Variants in HERC4 observed in about 807,000 individuals in gnomAD.
HERC4 encodes the protein probable E3 ubiquitin-protein ligase HERC4.
HERC4 carries 28 observed loss-of-function variants against 124.3 expected under a neutral mutation model. That is an observed-to-expected ratio of 0.23 (90% CI 0.17 to 0.31). The LOEUF (loss-of-function observed/expected upper bound fraction) is 0.31, where lower values mean the gene tolerates loss of function less well. Ranked by LOEUF, HERC4 falls within the 10% of genes least tolerant of loss-of-function variation. The pLI, the probability that HERC4 is intolerant of heterozygous loss-of-function variation, is 1.00. For synonymous variants in HERC4, 407 were observed against 421.5 expected (o/e 0.97, Z 0.42); for missense variants, 713 against 1,229.3 (o/e 0.58, Z 6.28).
chr10:67,956,449 TC>T (rs1239279399), intron 17 of HERC4: 1 of 152,674 alleles, frequency 6.5e-6, no homozygotes, highest in Admixed American at 6.5e-5. Context: ...CAAGGAAATT[TC>T]ACATCTTCTT....
intron 3 of HERC4, among the ~76,000 whole-genome samples, chr10:68,045,100 C>T (rs141792144): frequency 1.4e-3 from 208 of 152,284 alleles, no homozygotes; most frequent in Non-Finnish European, 2.6e-3. Flanking sequence ...GAGGGCGGAT[C>T]GCTTTAGGTC....
chr10:68,031,305 T>A (rs1211600666), intron 7 of HERC4, among the ~76,000 whole-genome samples: 1 of 152,208 alleles, frequency 6.6e-6, no homozygotes, highest in East Asian at 1.9e-4. Context: ...GCCATAAAAT[T>A]AGTTTTTGGA....
intron 15 of HERC4, among the ~76,000 whole-genome samples, chr10:67,976,334 T>C (rs1057003968): frequency 1.8e-4 from 27 of 152,320 alleles, no homozygotes; most frequent in Non-Finnish European, 1.5e-4. Context: ...TTTATACATA[T>C]ACAAACTAAT....
rs2037903948 is a variant in HERC4 at position 68,010,799 on chromosome 10, C to T, written c.1069+3227G>A. 3.9e-6 allele frequency: 6 copies of T among 1,520,358 alleles called. No individual in the cohort carries two copies. In the East Asian group the frequency reaches 1.1e-4, roughly 29 times the overall value. 94.2% of individuals were successfully genotyped at this position (1,520,358 alleles called of 1,614,324 possible). A position where few individuals can be genotyped will look rare whatever the true frequency, so the allele number is the denominator to read the frequency against. Reference sequence around the variant, plus strand: ...AAGCCCCACATCAGCCTGTGCATATCCCAGGGTGATCCTCTTCTGCTTCAG... The same window carrying T: ...AAGCCCCACATCAGCCTGTGCATATTCCAGGGTGATCCTCTTCTGCTTCAG... On this transcript the variant is annotated intron_variant, in intron 9 of 24. Coordinates refer to ENST00000373700, the MANE Select transcript of HERC4 (RefSeq NM_015601.4).
At chr10:68,028,271 G>A (rs1367475029) in intron 7 of HERC4, among the ~76,000 whole-genome samples, 1 of 150,906 alleles carries the variant, frequency 6.6e-6, no homozygotes, top group Non-Finnish European at 1.5e-5. Context: ...AATGAGTGTT[G>A]TCCTAGCAAC....
At chr10:67,934,190 C>T (rs191889705) in intron 22 of HERC4, among the ~76,000 whole-genome samples, 124 of 152,256 alleles carry the variant, frequency 8.1e-4, no homozygotes, top group Non-Finnish European at 9.3e-4. Flanking sequence ...CTCCCCTGTA[C>T]ATCTATTATA....
Position 67,922,263 on chromosome 10 carries a change from G to A in HERC4, c.*668C>T, listed in dbSNP as rs2030289265. On this transcript the variant is annotated 3_prime_UTR_variant, in exon 25 of 25. Transcript: ENST00000373700. ...GATCGACAATCCCCCATCTATCAGT[G>A]TGTCAGGATTCACAAAGAAAAGAAC... The A allele has an allele frequency of 6.6e-6, 1 of 152,124 alleles. No homozygotes were observed. The highest frequency in any genetic ancestry group is 1.5e-5 in the Non-Finnish European group (1 of 68,014). The allele number at this position is 152,124 out of a possible 1,614,324, so 9.4% of individuals were successfully genotyped here.
At chr10:67,967,211 A>AT (rs2132456704) in intron 15 of HERC4, among the ~76,000 whole-genome samples, 1 of 152,182 alleles carries the variant, frequency 6.6e-6, no homozygotes, top group South Asian at 2.1e-4. Context: ...TTTCTTAGCT[A>AT]TTTTTTTCTT....
At chr10:67,945,842 A>T (rs1015404389) in intron 19 of HERC4, among the ~76,000 whole-genome samples, 2 of 151,762 alleles carry the variant, frequency 1.3e-5, no homozygotes, top group South Asian at 4.2e-4. Context: ...CACGAAAAAT[A>T]AAAAAAAAGA....
chr10:67,967,861 C>A (rs7912627), intron 15 of HERC4, among the ~76,000 whole-genome samples: 11,459 of 151,288 alleles, frequency 0.076, 1,113 homozygotes, highest in African/African-American at 0.23. Flanking sequence ...GATTATGAAA[C>A]TTTTATAAGA....
intron 19 of HERC4, among the ~76,000 whole-genome samples, chr10:67,947,295 A>C (rs760908710): frequency 1.3e-4 from 20 of 152,256 alleles, no homozygotes; most frequent in Non-Finnish European, 2.1e-4. Context: ...ATTCCATGTA[A>C]ATAGTAACAA....
chr10:68,020,768 CAA>C (rs149936767), intron 8 of HERC4, among the ~76,000 whole-genome samples: 1,645 of 88,430 alleles, frequency 0.019, 37 homozygotes, highest in African/African-American at 0.065. Flanking sequence ...GACTCCGTCT[CAA>C]AAAAAAAAAA....
intron 3 of HERC4, chr10:68,067,854 G>A (rs2041371647): frequency 2.0e-5 from 3 of 152,092 alleles, no homozygotes; most frequent in South Asian, 4.1e-4. Context: ...TCTGCCAATC[G>A]AGTTAGTCTT....
intron 8 of HERC4, among the ~76,000 whole-genome samples, chr10:68,018,868 T>G (rs2133190359): frequency 6.7e-6 from 1 of 150,120 alleles, no homozygotes; most frequent in East Asian, 2.0e-4. Context: ...AACCTAGAGA[T>G]TCAATGCACT....
intron 9 of HERC4, chr10:68,010,348 A>G: frequency 2.1e-6 from 2 of 938,072 alleles, no homozygotes; most frequent in Non-Finnish European, 3.4e-6. Flanking sequence ...TGGGGCCCTG[A>G]GGCCATAGGA....
At chr10:68,071,739 AC>A (rs2041586171) in intron 3 of HERC4, among the ~76,000 whole-genome samples, 1 of 152,222 alleles carries the variant, frequency 6.6e-6, no homozygotes, top group African/African-American at 2.4e-5. Context: ...GCTGCCATTT[AC>A]TTTGAGTTCT....
intron 15 of HERC4, among the ~76,000 whole-genome samples, chr10:67,983,327 TAAC>T (rs2036049016): frequency 6.6e-6 from 1 of 152,162 alleles, no homozygotes; most frequent in South Asian, 2.1e-4. Flanking sequence ...CTCAAAAAAC[TAAC>T]AATAGAGCTA....
chr10:68,062,605 A>G (rs913553556), intron 3 of HERC4, among the ~76,000 whole-genome samples: 3 of 151,806 alleles, frequency 2.0e-5, no homozygotes, highest in African/African-American at 7.3e-5. Context: ...TACAAAAAAA[A>G]AAAAATTAGC....
chr10:68,020,926 T>TA (rs879834036), intron 8 of HERC4, among the ~76,000 whole-genome samples: 2 of 151,844 alleles, frequency 1.3e-5, no homozygotes, highest in Non-Finnish European at 2.9e-5. Context: ...CAGAAAATCT[T>TA]AAAAAAAGTG....
Sources: allele counts gnomAD v4.1 joint callset (sites outside exome capture counted in the v4.1 genomes callset), GRCh38; gene constraint gnomAD v4.1.1; transcripts MANE v1.5; gene names NCBI Gene and HGNC (gene_info 2026-07-23, HGNC 2026-07-21).